Variants in AKT2 observed in about 807,000 individuals in gnomAD.
AKT2 encodes the protein AKT serine/threonine kinase 2, also known as RAC-beta serine/threonine-protein kinase.
A neutral mutation model predicts 58.6 loss-of-function variants in AKT2; 16 were observed. The ratio of observed to expected loss-of-function variants is 0.27; its 90% CI spans 0.18 to 0.41. The LOEUF is 0.41. Ranked by LOEUF, AKT2 falls within the 10% of genes least tolerant of loss-of-function variation. The probability of loss-of-function intolerance (pLI) is 1.00; values close to 1 mark genes in which losing one functional copy is unlikely to be tolerated. For missense variants in AKT2, 438 were observed against 661.0 expected, an observed-to-expected ratio of 0.66 and a Z score of 3.70; for synonymous variants, 253 against 254.0, an observed-to-expected ratio of 1.00 and a Z score of 0.04.
At chr19:40,281,011 G>A (rs1449567300) in intron 1 of AKT2, among the ~76,000 whole-genome samples, 2 of 152,238 alleles carry the variant, frequency 1.3e-5, no homozygotes. Flanking sequence ...CATACGAGGT[G>A]TTCAGTAAAT....
chr19:40,248,902 TGAG>T (rs1441249297), intron 4 of AKT2, among the ~76,000 whole-genome samples: 1 of 93,710 alleles, frequency 1.1e-5, no homozygotes, highest in Non-Finnish European at 2.1e-5. Context: ...GTGGAGGAGA[TGAG>T]GAGAGAGAGG....
chr19:40,249,613 C>T (rs1007047445), intron 4 of AKT2, among the ~76,000 whole-genome samples: 7 of 152,352 alleles, frequency 4.6e-5, no homozygotes, highest in African/African-American at 1.7e-4. Context: ...CTAACCATCA[C>T]CTCCCCGACC....
chr19:40,274,744 T>G, intron 1 of AKT2: 1 of 301,858 alleles, frequency 3.3e-6, no homozygotes, highest in Non-Finnish European at 6.7e-6. Context: ...TGAGGCGCGT[T>G]CGAGGCGCCT....
Position 40,238,825 on chromosome 19 carries a change from T to C in AKT2, c.708+80A>G. On this transcript the variant is annotated intron_variant, in intron 8 of 13. Transcript: ENST00000392038. The surrounding 1 kb of genome is among the most constrained non-coding windows in gnomAD (Gnocchi z 5.1). ...TGAAATTTCCCTCCACCCTTCCATCTCACCCACAGCTCCTCTCCATCCCGC... is the reference window on the plus strand; with the variant it reads ...TGAAATTTCCCTCCACCCTTCCATCCCACCCACAGCTCCTCTCCATCCCGC... The C allele has an allele frequency of 6.9e-7, 1 of 1,459,012 alleles. No homozygotes were observed. Among genetic ancestry groups the C allele is most frequent in the Non-Finnish European group, 9.6e-7 (1 of 1,039,934 alleles). 90.4% of individuals were successfully genotyped at this position (1,459,012 alleles called of 1,614,324 possible).
rs1973699954 is a variant in AKT2, at chr19:40,231,502, TCTGA to T, written c.*2366_*2369del. 1 of 233,296 alleles carries T rather than the reference TCTGA, an allele frequency of 4.3e-6. No individual in the cohort carries two copies. The highest frequency in any genetic ancestry group is 8.5e-6 in the Non-Finnish European group (1 of 118,032). 14.5% of individuals were successfully genotyped at this position (233,296 alleles called of 1,614,324 possible). A position where few individuals can be genotyped will look rare whatever the true frequency, so the allele number is the denominator to read the frequency against. On this transcript the variant is annotated 3_prime_UTR_variant, in exon 14 of 14. Transcript: ENST00000392038. The stretch of plus-strand genomic sequence containing the variant: ...CTAACTCTGATTTCTGTAAATTGGA[TCTGA>T]CTTTTTCTGCTTACATTCACTTAAA...
chr19:40,284,365 C>T (rs1446364149), intron 1 of AKT2, among the ~76,000 whole-genome samples: 1 of 152,180 alleles, frequency 6.6e-6, no homozygotes, highest in Non-Finnish European at 1.5e-5. Context: ...TCCTCCCTCC[C>T]CTATGGAAGG....
At chr19:40,267,913 C>T (rs1428772793) in intron 1 of AKT2, among the ~76,000 whole-genome samples, 1 of 151,400 alleles carries the variant, frequency 6.6e-6, no homozygotes, top group Admixed American at 6.6e-5. Flanking sequence ...GCGGGACTTG[C>T]GAGCAGACAC....
At chr19:40,269,944 C>G (rs1976596887) in intron 1 of AKT2, among the ~76,000 whole-genome samples, 1 of 152,210 alleles carries the variant, frequency 6.6e-6, no homozygotes, top group African/African-American at 2.4e-5. Flanking sequence ...AAAGCAGCCC[C>G]AGGACCCTAC....
Position 40,236,757 on chromosome 19 carries a change from C to G in AKT2, c.832-372G>C, listed in dbSNP as rs529640404. 9.0e-6 allele frequency: 3 copies of G among 333,852 alleles called. No individual in the cohort carries two copies. In the East Asian group the frequency reaches 2.4e-4, roughly 26 times the overall value. 20.7% of individuals were successfully genotyped at this position (333,852 alleles called of 1,614,324 possible). ...TGAAATATGCAGCCAGGCAAAGTGG[C>G]TCACACCTGTAATCCCAGCAATTTG... On this transcript the variant is annotated intron_variant, in intron 9 of 13. Coordinates refer to ENST00000392038, the MANE Select transcript of AKT2 (RefSeq NM_001626.6).
At chr19:40,236,155 T>C in intron 10 of AKT2, 51 bp from the exon 11 acceptor site, 1 of 1,613,302 alleles carries the variant, frequency 6.2e-7, no homozygotes, top group South Asian at 1.1e-5. Flanking sequence ...GAGGCTGGCA[T>C]CACAGTCCTG....
At chr19:40,263,375 G>A (rs1976100856) in intron 2 of AKT2, among the ~76,000 whole-genome samples, 2 of 152,198 alleles carry the variant, frequency 1.3e-5, no homozygotes, top group South Asian at 4.1e-4. Context: ...ACGTGCTGGG[G>A]ATACCACTGT....
intron 1 of AKT2, chr19:40,274,928 C>T (rs915857494): frequency 7.8e-6 from 3 of 385,692 alleles, no homozygotes; most frequent in South Asian, 3.7e-5. Context: ...GAACCCCTTG[C>T]ACCCAGGGCA....
chr19:40,235,283 G>T lies in AKT2; in HGVS notation c.1243C>A (p.Gln415Lys), dbSNP rs749701848. Residue 415 changes from glutamine (Q) to lysine (K), a missense_variant, in exon 12 of 14, where the codon CAG becomes AAG. Physicochemically the swap from Gln to Lys is moderately conservative, Grantham distance 53. This residue lies in a region of AKT2 where 148 missense variants were observed against 199.5 expected (regional missense o/e 0.74). Coordinates refer to ENST00000392038, the MANE Select transcript of AKT2 (RefSeq NM_001626.6). This position sits in a 1 kb window ranked among gnomAD's most constrained non-coding sequence, Gnocchi z 6.3. Reference sequence around the variant, plus strand: ...CTCACCTTCTTCTGGACCACGTCCTGCCAGTTGATGCTGAGGAAGAACCTG... The same window carrying T: ...CTCACCTTCTTCTGGACCACGTCCTTCCAGTTGATGCTGAGGAAGAACCTG... ...EHRFFLSINW[Q>K]DVVQKKLLPP... The T allele has an allele frequency of 6.2e-7, 1 of 1,614,048 alleles. No homozygotes were observed. Among genetic ancestry groups the T allele is most frequent in the Admixed American group, 1.7e-5 (1 of 60,026 alleles).
At position 40,242,427 on chromosome 19, in the gene AKT2, C is replaced by T; in HGVS notation, c.441+107G>A. ...CCCACCCTGCAGGGCAGCCTTGTCT[C>T]TCAGCTGAGCCCCCTGAACTGTGTT... On this transcript the variant is annotated intron_variant, in intron 5 of 13. Transcript: ENST00000392038. The surrounding 1 kb of genome is among the most constrained non-coding windows in gnomAD (Gnocchi z 4.3). 6.5e-7 allele frequency: 1 copy of T among 1,540,018 alleles called. No individual in the cohort carries two copies. Among genetic ancestry groups the T allele is most frequent in the Non-Finnish European group, 8.9e-7 (1 of 1,125,072 alleles).
At chr19:40,236,830 C>T in intron 9 of AKT2, 1 of 255,226 alleles carries the variant, frequency 3.9e-6, no homozygotes, top group Non-Finnish European at 7.8e-6. Flanking sequence ...TTGAGACCAG[C>T]CTGGGCAACA....
rs369999486 is a variant in AKT2 at position 40,261,258 on chromosome 19, C to T, written c.46+3964G>A. Reference sequence around the variant, plus strand: ...TTATAAAAGGACGAGTTCGGCCAGGCGCAATGGCTCACGCCTGTAATCCCA... The same window carrying T: ...TTATAAAAGGACGAGTTCGGCCAGGTGCAATGGCTCACGCCTGTAATCCCA... On this transcript the variant is annotated intron_variant, in intron 2 of 13. Coordinates refer to ENST00000392038, the MANE Select transcript of AKT2 (RefSeq NM_001626.6). Among the ~76,000 whole-genome samples the T allele has an allele frequency of 7.2e-5, 11 of 152,252 alleles. No individual in the cohort carries two copies. The East Asian group carries it at 1.4e-3, about 19-fold the overall frequency.
chr19:40,280,344 C>A lies in AKT2; in HGVS notation c.-85+4837G>T, dbSNP rs544531830. ...AGTAACAGCCACGGGCTCTGGAGAACACGGTGTGAAAACCACAGGAGGGAG... is the reference window on the plus strand; with the variant it reads ...AGTAACAGCCACGGGCTCTGGAGAAAACGGTGTGAAAACCACAGGAGGGAG... On this transcript the variant is annotated intron_variant, in intron 1 of 13. Transcript: ENST00000392038. 2.0e-5 allele frequency among the ~76,000 whole-genome samples: 3 copies of A among 152,302 alleles called. No homozygotes were observed. In the East Asian group the frequency reaches 5.8e-4, roughly 29 times the overall value.
At position 40,241,755 on chromosome 19, in the gene AKT2, C is replaced by T. The variant is rs1035651323; in HGVS notation, c.573+183G>A. 3.2e-6 allele frequency: 3 copies of T among 923,210 alleles called. No homozygotes were observed. In the East Asian group the frequency reaches 8.3e-5, roughly 26 times the overall value. The allele number at this position is 923,210 out of a possible 1,614,324, so 57.2% of individuals were successfully genotyped here. ...CCCTAACATAGGGTGGAGGTGGGGACTCAGCAGCAAGGCCTGCTGCTCCTC... is the reference window on the plus strand; with the variant it reads ...CCCTAACATAGGGTGGAGGTGGGGATTCAGCAGCAAGGCCTGCTGCTCCTC... On this transcript the variant is annotated intron_variant, in intron 6 of 13. Transcript: ENST00000392038.
Position 40,241,749 on chromosome 19 carries a change from TG to T in AKT2, c.573+188del, listed in dbSNP as rs369342439. On this transcript the variant is annotated intron_variant, in intron 6 of 13. Coordinates refer to ENST00000392038, the MANE Select transcript of AKT2 (RefSeq NM_001626.6). ...CCCAGCCCCTAACATAGGGTGGAGGTGGGGACTCAGCAGCAAGGCCTGCTGC... is the reference window on the plus strand; with the variant it reads ...CCCAGCCCCTAACATAGGGTGGAGGTGGGACTCAGCAGCAAGGCCTGCTGC... 7.1e-4 allele frequency: 606 copies of T among 849,222 alleles called. 7 individuals are homozygous for T. The East Asian group carries it at 0.016, about 23-fold the overall frequency. 52.6% of individuals were successfully genotyped at this position (849,222 alleles called of 1,614,324 possible).
Sources: allele counts gnomAD v4.1 joint callset (sites outside exome capture counted in the v4.1 genomes callset), GRCh38; gene constraint gnomAD v4.1.1; regional missense constraint gnomAD v4.1.1; non-coding constraint Gnocchi (gnomAD v3.1); transcripts MANE v1.5; gene names NCBI Gene and HGNC (gene_info 2026-07-23, HGNC 2026-07-21).